Variants in KCTD19 observed in about 807,000 individuals in gnomAD.
KCTD19 encodes BTB/POZ domain-containing protein KCTD19.
In KCTD19, 67 loss-of-function variants were observed where a neutral mutation model predicts 103.5. The observed-to-expected ratio is 0.65, with a 90% confidence interval of 0.53 to 0.79. The LOEUF (loss-of-function observed/expected upper bound fraction) is 0.79. KCTD19 is among the 30% of genes least tolerant of loss of function. The pLI is 0.00. For missense variants in KCTD19, 980 were observed against 1,136.1 expected (o/e 0.86, Z 1.98); for synonymous variants, 439 against 452.2 (o/e 0.97, Z 0.37).
At chr16:67,304,300 T>C (rs1597395942) in intron 3 of KCTD19, 121 bp downstream of exon 3, 1 of 970,336 alleles carries the variant, frequency 1.0e-6, no homozygotes, top group African/African-American at 1.6e-5. Flanking sequence ...TCAAAGGAGA[T>C]GACAGAGACT....
At chr16:67,298,285 G>A (rs542539876) in intron 6 of KCTD19, among the ~76,000 whole-genome samples, 9 of 152,162 alleles carry the variant, frequency 5.9e-5, no homozygotes, top group African/African-American at 1.7e-4. Flanking sequence ...GAGCCACCGC[G>A]CCCAGCCCGT....
At chr16:67,318,947 G>A (rs772848341) in intron 2 of KCTD19, among the ~76,000 whole-genome samples, 1 of 152,192 alleles carries the variant, frequency 6.6e-6, no homozygotes, top group African/African-American at 2.4e-5. Context: ...TTTAGGCCAG[G>A]TGCGGTGGCT....
At chr16:67,324,235 A>G (rs2037106026) in intron 1 of KCTD19, among the ~76,000 whole-genome samples, 1 of 152,232 alleles carries the variant, frequency 6.6e-6, no homozygotes, top group Non-Finnish European at 1.5e-5. Context: ...ATGGAAAAGT[A>G]GAGAGCCATC....
In KCTD19 at chr16:67,303,476, C is replaced by CATCTTCCTTCTTT. The variant is rs1322696813; in HGVS notation, c.452-152_452-140dup. On this transcript the variant is annotated intron_variant, in intron 3 of 15. Coordinates refer to ENST00000304372, the MANE Select transcript of KCTD19 (RefSeq NM_001100915.3). This position sits in a 1 kb window ranked among gnomAD's most constrained non-coding sequence, Gnocchi z 4.3. ...TATGGTCCTTGCCACTTGCCAGACA[C>CATCTTCCTTCTTT]ATCTTCCTTCTTTATCTTTTCAGTT... 3.3e-6 allele frequency: 2 copies of CATCTTCCTTCTTT among 604,950 alleles called. No homozygotes were observed. The highest frequency in any genetic ancestry group is 5.9e-5 in the East Asian group (2 of 33,816). The allele number at this position is 604,950 out of a possible 1,614,324, so 37.5% of individuals were successfully genotyped here.
chr16:67,292,575 G>C (rs2036712326), intron 12 of KCTD19, among the ~76,000 whole-genome samples: 1 of 152,140 alleles, frequency 6.6e-6, no homozygotes, highest in Non-Finnish European at 1.5e-5. Flanking sequence ...ACCAACTTAG[G>C]GCTCACAGGC....
intron 1 of KCTD19, among the ~76,000 whole-genome samples, chr16:67,322,296 A>T (rs1597401896): frequency 1.3e-5 from 2 of 149,800 alleles, no homozygotes; most frequent in East Asian, 3.9e-4. Flanking sequence ...AAACTATAAA[A>T]TCTTTTTTTT....
In KCTD19 at chr16:67,314,867, AGAGAGAGG is replaced by A. The variant is rs1181336634; in HGVS notation, c.300+5714_300+5721del. On this transcript the variant is annotated intron_variant, in intron 2 of 15. Coordinates refer to ENST00000304372, the MANE Select transcript of KCTD19 (RefSeq NM_001100915.3). ...GAGAGAGAGAGAGAGAGAGAGAGAGAGAGAGAGGGGAAGGGTCTTGCTTTGTCACCCAG... is the reference window on the plus strand; with the variant it reads ...GAGAGAGAGAGAGAGAGAGAGAGAGAGGAAGGGTCTTGCTTTGTCACCCAG... Among the ~76,000 whole-genome samples the A allele has an allele frequency of 1.6e-3, 225 of 143,760 alleles. 4 individuals are homozygous for A. Among genetic ancestry groups the A allele is most frequent in the Middle Eastern group, 3.6e-3 (1 of 278 alleles). 94.3% of individuals were successfully genotyped at this position (143,760 alleles called of 152,430 possible). A position where few individuals can be genotyped will look rare whatever the true frequency, so the allele number is the denominator to read the frequency against.
intron 2 of KCTD19, among the ~76,000 whole-genome samples, chr16:67,306,663 C>G (rs2036896960): frequency 6.6e-6 from 1 of 152,180 alleles, no homozygotes; most frequent in Non-Finnish European, 1.5e-5. Context: ...GAGTCCAAAT[C>G]ACTCCTCATC....
intron 2 of KCTD19, among the ~76,000 whole-genome samples, chr16:67,317,528 G>A (rs1285758564): frequency 1.3e-5 from 2 of 151,726 alleles, no homozygotes; most frequent in African/African-American, 4.8e-5. Flanking sequence ...TCTGAGATGT[G>A]CTGTAAGTAT....
At position 67,320,889 on chromosome 16, in the gene KCTD19, A is replaced by G; in HGVS notation, c.4-4T>C. 1 of 1,596,192 alleles carries G rather than the reference A, an allele frequency of 6.3e-7. No homozygotes were observed. Among genetic ancestry groups the G allele is most frequent in the East Asian group, 2.2e-5 (1 of 44,674 alleles). On this transcript the variant is annotated splice_polypyrimidine_tract_variant and splice_region_variant and intron_variant, in intron 1 of 15. Coordinates refer to ENST00000304372, the MANE Select transcript of KCTD19 (RefSeq NM_001100915.3). This position sits in a 1 kb window ranked among gnomAD's most constrained non-coding sequence, Gnocchi z 4.0. ...CATGAGCCATGCCAGACTCCTCCTAAAGGGGGAATGAAAAAGAGATCTACG... is the reference window on the plus strand; with the variant it reads ...CATGAGCCATGCCAGACTCCTCCTAGAGGGGGAATGAAAAAGAGATCTACG...
In KCTD19 at chr16:67,291,256, A is replaced by G. The variant is rs1022477217; in HGVS notation, c.2565+53T>C. On this transcript the variant is annotated intron_variant, in intron 14 of 15. Transcript: ENST00000304372. Reference sequence around the variant, plus strand: ...TGCACCACTTATTGTGGGGCAGGGGAAGAGGTGGAGAAGGTACAGGGTGCC... The same window carrying G: ...TGCACCACTTATTGTGGGGCAGGGGGAGAGGTGGAGAAGGTACAGGGTGCC... 3.2e-6 allele frequency: 5 copies of G among 1,574,852 alleles called. No homozygotes were observed. The African/African-American group carries it at 6.8e-5, about 21-fold the overall frequency.
In KCTD19 at chr16:67,294,060, T is replaced by G. The variant is rs1235996304; in HGVS notation, c.1702A>C (p.Thr568Pro). ...SNQMDEAEQY[T>P]RPIQVSLCRN... ...CATAGGGACACCTGGATGGGCCGAG[T>G]GTACTGCTCAGCCTCATCCATCTGG... The change falls in exon 12 of 16, where the codon ACT (threonine) becomes CCT (proline). Residue 568 changes from threonine to proline, a missense_variant. Thr to Pro is a conservative substitution (Grantham distance 38). Transcript: ENST00000304372. 6.2e-7 allele frequency: 1 copy of G among 1,613,990 alleles called. No homozygotes were observed. Among genetic ancestry groups the G allele is most frequent in the Non-Finnish European group, 8.5e-7 (1 of 1,180,036 alleles).
chr16:67,302,916 GC>G (rs2036850425), intron 4 of KCTD19: 2 of 531,576 alleles, frequency 3.8e-6, no homozygotes, highest in Non-Finnish European at 6.6e-6. Flanking sequence ...CACTTTTACA[GC>G]CAGGCCATCC....
rs2036864325 is a variant in KCTD19, at chr16:67,303,959, C to G, written c.451+462G>C. 6.6e-6 allele frequency among the ~76,000 whole-genome samples: 1 copy of G among 152,208 alleles called. No individual in the cohort carries two copies. The highest frequency in any genetic ancestry group is 1.5e-5 in the Non-Finnish European group (1 of 68,020). On this transcript the variant is annotated intron_variant, in intron 3 of 15. Transcript: ENST00000304372. The surrounding 1 kb of genome is among the most constrained non-coding windows in gnomAD (Gnocchi z 4.3). ...ACCCATTTGATTCTAATTGATCAAACCAAACACAGTGATCCACAGACAAAA... is the reference window on the plus strand; with the variant it reads ...ACCCATTTGATTCTAATTGATCAAAGCAAACACAGTGATCCACAGACAAAA...
chr16:67,326,675 T>C (rs771982554), intron 1 of KCTD19, 30 bp downstream of exon 1: 4 of 1,579,088 alleles, frequency 2.5e-6, no homozygotes, highest in South Asian at 1.1e-5. Flanking sequence ...TTTGGTGCTT[T>C]TGGCGCCCCC....
At chr16:67,305,619 G>A (rs768647041) in intron 2 of KCTD19, 1 of 455,420 alleles carries the variant, frequency 2.2e-6, no homozygotes. Flanking sequence ...GTCCTGCAGG[G>A]GGCAGATTAT....
At chr16:67,304,052 CAGAT>C (rs1270841110) in intron 3 of KCTD19, among the ~76,000 whole-genome samples, 1 of 152,224 alleles carries the variant, frequency 6.6e-6, no homozygotes, top group Non-Finnish European at 1.5e-5. Flanking sequence ...ACTCATGTCT[CAGAT>C]AGGCTGAACT....
intron 2 of KCTD19, chr16:67,305,374 C>T (rs890948047): frequency 5.0e-5 from 12 of 240,398 alleles, no homozygotes; most frequent in Non-Finnish European, 9.2e-5. Flanking sequence ...TCTCATTTAC[C>T]ATGACATGAT....
In KCTD19 at chr16:67,299,760, G is replaced by A. The variant is rs2036813582; in HGVS notation, c.776-187C>T. ...TAATTTTTTTGTATACTCAGGCTTA[G>A]AAGTCATAACTATTTGTTGGGAGGT... On this transcript the variant is annotated intron_variant, in intron 5 of 15. Coordinates refer to ENST00000304372, the MANE Select transcript of KCTD19 (RefSeq NM_001100915.3). 3 of 580,616 alleles carry A rather than the reference G, an allele frequency of 5.2e-6. No individual in the cohort carries two copies. The South Asian group carries it at 7.1e-5, about 14-fold the overall frequency. The allele number at this position is 580,616 out of a possible 1,614,324, so 36.0% of individuals were successfully genotyped here. A position where few individuals can be genotyped will look rare whatever the true frequency, so the allele number is the denominator to read the frequency against.
Sources: gnomAD v4.1 joint callset for allele counts (sites outside exome capture counted in the v4.1 genomes callset) on GRCh38, gnomAD v4.1.1 for gene constraint, Gnocchi (gnomAD v3.1) non-coding constraint, MANE v1.5 for transcripts, NCBI Gene and HGNC (gene_info 2026-07-23, HGNC 2026-07-21) for gene names.